Variants in FLOT2 observed in about 807,000 individuals in gnomAD.
The protein encoded by FLOT2 is flotillin 2.
A neutral mutation model predicts 54.9 loss-of-function variants in FLOT2; 35 were observed. The observed-to-expected ratio is 0.64, with a 90% CI of 0.49 to 0.84. The LOEUF (loss-of-function observed/expected upper bound fraction) is 0.84, where lower values mean the gene tolerates loss of function less well. Among genes scored for constraint, FLOT2 ranks in the 40% least tolerant of loss-of-function variants. The pLI is 0.00. For missense variants in FLOT2, 464 were observed against 572.1 expected (o/e 0.81, Z 1.93); for synonymous variants, 207 against 228.9 (o/e 0.90, Z 0.86).
Position 28,880,335 on chromosome 17 carries a change from A to T in FLOT2, c.*226T>A. ...AAGACACGCAGGGAGATGAGACACA[A>T]ACCTGATGAAAGTGGCAGTGAAAGT... On this transcript the variant is annotated 3_prime_UTR_variant, in exon 11 of 11. Coordinates refer to ENST00000394908, the MANE Select transcript of FLOT2 (RefSeq NM_004475.3). 7.1e-7 allele frequency: 1 copy of T among 1,404,326 alleles called. No individual in the cohort carries two copies. The highest frequency in any genetic ancestry group is 9.3e-7 in the Non-Finnish European group (1 of 1,081,064). 87.0% of individuals were successfully genotyped at this position (1,404,326 alleles called of 1,614,324 possible). A position where few individuals can be genotyped will look rare whatever the true frequency, so the allele number is the denominator to read the frequency against.
chr17:28,880,052 T>C lies in FLOT2; in HGVS notation c.*509A>G. The C allele has an allele frequency of 2.0e-6, 2 of 991,814 alleles. No homozygotes were observed. Among genetic ancestry groups the C allele is most frequent in the Non-Finnish European group, 2.4e-6 (2 of 834,186 alleles). 61.4% of individuals were successfully genotyped at this position (991,814 alleles called of 1,614,324 possible). A position where few individuals can be genotyped will look rare whatever the true frequency, so the allele number is the denominator to read the frequency against. On this transcript the variant is annotated 3_prime_UTR_variant, in exon 11 of 11. Coordinates refer to ENST00000394908, the MANE Select transcript of FLOT2 (RefSeq NM_004475.3). ...CTAGAGGGGCAGCAGCAGGTGAGGC[T>C]GTGGGCTTCCTGGGGCAGGGTTTAG...
At chr17:28,894,588 C>T (rs535298644) in intron 1 of FLOT2, among the ~76,000 whole-genome samples, 6 of 145,166 alleles carry the variant, frequency 4.1e-5, no homozygotes, top group Admixed American at 2.1e-4. Context: ...CATACCACTG[C>T]ACTCCAGCCT....
Position 28,880,239 on chromosome 17 carries a change from T to A in FLOT2, c.*322A>T. On this transcript the variant is annotated 3_prime_UTR_variant, in exon 11 of 11. Transcript: ENST00000394908. The stretch of plus-strand genomic sequence containing the variant: ...CAGCAGGGCCACCCCCCACAGAGAG[T>A]GATTGTAATAAACATCTTCAGCTTA... The A allele has an allele frequency of 1.7e-6, 2 of 1,185,524 alleles. No individual in the cohort carries two copies. The highest frequency in any genetic ancestry group is 1.6e-5 in the African/African-American group (1 of 62,704). 73.4% of individuals were successfully genotyped at this position (1,185,524 alleles called of 1,614,324 possible).
At position 28,880,037 on chromosome 17, in the gene FLOT2, A is replaced by G; in HGVS notation, c.*524T>C. The stretch of plus-strand genomic sequence containing the variant: ...CATGGCTGCCCAGACCTAGAGGGGC[A>G]GCAGCAGGTGAGGCTGTGGGCTTCC... On this transcript the variant is annotated 3_prime_UTR_variant, in exon 11 of 11. Transcript: ENST00000394908. 1 of 991,752 alleles carries G rather than the reference A, an allele frequency of 1.0e-6. No individual in the cohort carries two copies. The highest frequency in any genetic ancestry group is 1.2e-6 in the Non-Finnish European group (1 of 834,160). 61.4% of individuals were successfully genotyped at this position (991,752 alleles called of 1,614,324 possible).
rs546068023 is a variant in FLOT2 at position 28,891,297 on chromosome 17, A to G, written c.50-2271T>C. Among the ~76,000 whole-genome samples the G allele has an allele frequency of 7.2e-5, 11 of 152,336 alleles. No individual in the cohort carries two copies. In the East Asian group the frequency reaches 2.1e-3, roughly 29 times the overall value. On this transcript the variant is annotated intron_variant, in intron 1 of 10. Transcript: ENST00000394908. Reference sequence around the variant, plus strand: ...TGGGGGAGTTTCATGCAGCTGGGTTAGTGTCTCTGAGGACTCACGGCAGGG... The same window carrying G: ...TGGGGGAGTTTCATGCAGCTGGGTTGGTGTCTCTGAGGACTCACGGCAGGG...
chr17:28,887,257 G>A (rs2039564445), intron 2 of FLOT2, among the ~76,000 whole-genome samples: 1 of 152,156 alleles, frequency 6.6e-6, no homozygotes, highest in African/African-American at 2.4e-5. Flanking sequence ...GGGAGGCTGA[G>A]TATCCAGGCT....
At position 28,880,503 on chromosome 17, in the gene FLOT2, A is replaced by C. The variant is rs2039427291; in HGVS notation, c.*58T>G. 18 of 1,593,508 alleles carry C rather than the reference A, an allele frequency of 1.1e-5. No homozygotes were observed. In the South Asian group the frequency reaches 2.0e-4, roughly 18 times the overall value. On this transcript the variant is annotated 3_prime_UTR_variant, in exon 11 of 11. Coordinates refer to ENST00000394908, the MANE Select transcript of FLOT2 (RefSeq NM_004475.3). ...ACGTTCCCGTTGTTCTGTGGGATTA[A>C]AACGGGTGCTGGAGGGAGGGCCGGG...
At chr17:28,894,795 TAAA>T (rs746735489) in intron 1 of FLOT2, among the ~76,000 whole-genome samples, 1 of 132,406 alleles carries the variant, frequency 7.6e-6, no homozygotes, top group African/African-American at 2.8e-5. Context: ...AGACTGTATT[TAAA>T]AAAAAAAAAA....
chr17:28,888,854 A>C (rs774044149), intron 2 of FLOT2, 91 bp downstream of exon 2: 50 of 720,504 alleles, frequency 6.9e-5, no homozygotes, highest in Non-Finnish European at 1.1e-4. Flanking sequence ...TAGATGCTCT[A>C]GCTGACCCTC....
chr17:28,885,916 G>C, intron 2 of FLOT2: 4 of 1,550,352 alleles, frequency 2.6e-6, no homozygotes, highest in Non-Finnish European at 3.5e-6. Flanking sequence ...TTCTCACAGC[G>C]ACACAGGATG....
intron 2 of FLOT2, among the ~76,000 whole-genome samples, chr17:28,888,346 C>T (rs1320107879): frequency 6.6e-6 from 1 of 152,218 alleles, no homozygotes. Flanking sequence ...AATCTCACTT[C>T]CTCTAGTAAG....
intron 1 of FLOT2, among the ~76,000 whole-genome samples, chr17:28,895,680 G>T (rs1478343435): frequency 1.3e-5 from 2 of 152,190 alleles, no homozygotes; most frequent in Non-Finnish European, 2.9e-5. Context: ...CAGTTAGGGT[G>T]AGTGAAAATA....
In FLOT2 at chr17:28,880,474, A is replaced by G; in HGVS notation, c.*87T>C. 1 of 1,556,188 alleles carries G rather than the reference A, an allele frequency of 6.4e-7. No individual in the cohort carries two copies. Among genetic ancestry groups the G allele is most frequent in the Non-Finnish European group, 8.7e-7 (1 of 1,150,672 alleles). On this transcript the variant is annotated 3_prime_UTR_variant, in exon 11 of 11. Coordinates refer to ENST00000394908, the MANE Select transcript of FLOT2 (RefSeq NM_004475.3). ...CCCTTCGAGATAAGGCACCAGAGTCAGTAACGTTCCCGTTGTTCTGTGGGA... is the reference window on the plus strand; with the variant it reads ...CCCTTCGAGATAAGGCACCAGAGTCGGTAACGTTCCCGTTGTTCTGTGGGA...
intron 1 of FLOT2, among the ~76,000 whole-genome samples, chr17:28,896,751 C>CT (rs1464773234): frequency 6.6e-6 from 1 of 152,186 alleles, no homozygotes; most frequent in Non-Finnish European, 1.5e-5. Flanking sequence ...GGCCTCCAAG[C>CT]TGTCAGGCAC....
rs1312199621 is a variant in FLOT2 at position 28,881,211 on chromosome 17, A to G, written c.1079T>C (p.Val360Ala). 6.2e-7 allele frequency: 1 copy of G among 1,614,010 alleles called. No individual in the cohort carries two copies. The highest frequency in any genetic ancestry group is 8.5e-7 in the Non-Finnish European group (1 of 1,179,924). ...CCTCACCTGGGGCAGGGCCTCTAGC[A>G]CCAAGGCCATCTTGGCTGCATCCCC... ...KYGDAAKMALVLEALPQIAAK... is the reference protein window; with the variant it reads ...KYGDAAKMALALEALPQIAAK... The change falls in exon 9 of 11, where the codon GTG becomes GCG. Residue 360 changes from valine to alanine, a missense_variant. Transcript: ENST00000394908.
chr17:28,884,401 G>A lies in FLOT2; in HGVS notation c.132-86C>T, dbSNP rs552792143. The A allele has an allele frequency of 6.0e-5, 49 of 814,024 alleles. No homozygotes were observed. The highest frequency in any genetic ancestry group is 4.7e-4 in the Middle Eastern group (2 of 4,278). The allele number at this position is 814,024 out of a possible 1,614,324, so 50.4% of individuals were successfully genotyped here. A position where few individuals can be genotyped will look rare whatever the true frequency, so the allele number is the denominator to read the frequency against. ...AAAGAGGCCAGTACCTCACTGCTCC[G>A]GCTGGGTCCTGGTGAGGAAGGTGGA... On this transcript the variant is annotated intron_variant, in intron 2 of 10. Coordinates refer to ENST00000394908, the MANE Select transcript of FLOT2 (RefSeq NM_004475.3). The surrounding 1 kb of genome is among the most constrained non-coding windows in gnomAD (Gnocchi z 5.1).
chr17:28,889,264 T>C (rs1033701371), intron 1 of FLOT2, among the ~76,000 whole-genome samples: 7 of 152,170 alleles, frequency 4.6e-5, no homozygotes, highest in African/African-American at 1.4e-4. Context: ...CAATGAATAG[T>C]TTAGAATGTA....
intron 1 of FLOT2, among the ~76,000 whole-genome samples, chr17:28,894,616 CTTTTTTTTTTT>C (rs34266130): frequency 1.9e-4 from 9 of 47,378 alleles, no homozygotes; most frequent in African/African-American, 5.2e-4. Context: ...AGAGCAAGAC[CTTTTTTTTTTT>C]TTTTTTTTTT....
intron 2 of FLOT2, chr17:28,885,751 G>A (rs1272220598): frequency 1.3e-6 from 1 of 757,376 alleles, no homozygotes; most frequent in Non-Finnish European, 2.4e-6. Context: ...GGAGAGGGAG[G>A]AAGGCACGGT....
Sources: allele counts gnomAD v4.1 joint callset (sites outside exome capture counted in the v4.1 genomes callset), GRCh38; gene constraint gnomAD v4.1.1; non-coding constraint Gnocchi (gnomAD v3.1); transcripts MANE v1.5; gene names NCBI Gene and HGNC (gene_info 2026-07-23, HGNC 2026-07-21).